PLGRKT: variants seen among roughly 807,000 people sequenced by gnomAD.
PLGRKT encodes the protein plasminogen receptor with a C-terminal lysine.
A neutral mutation model predicts 18.5 loss-of-function variants in PLGRKT; 22 were observed. That is an observed-to-expected ratio of 1.19 (90% confidence interval 0.85 to 1.70). The LOEUF is 1.70. Among genes scored for constraint, PLGRKT ranks in the 40% most tolerant of loss-of-function variants. The pLI is 0.00. For synonymous variants in PLGRKT, 72 were observed against 52.8 expected (o/e 1.36, Z -1.58); for missense variants, 235 against 174.4 (o/e 1.35, Z -1.96).
In PLGRKT at chr9:5,358,196, G is replaced by A; in HGVS notation, c.*43C>T. On this transcript the variant is annotated 3_prime_UTR_variant, in exon 6 of 6. Transcript: ENST00000223864. ...AAAAACTGTAAAAACCATGATTCAA[G>A]TCAATAATTCTGTGCTTTGAGATTT... The A allele has an allele frequency of 6.8e-7, 1 of 1,476,064 alleles. No individual in the cohort carries two copies. Among genetic ancestry groups the A allele is most frequent in the Non-Finnish European group, 9.3e-7 (1 of 1,074,424 alleles). 91.4% of individuals were successfully genotyped at this position (1,476,064 alleles called of 1,614,324 possible).
chr9:5,435,569 A>G (rs959801466), intron 2 of PLGRKT, among the ~76,000 whole-genome samples: 7 of 152,226 alleles, frequency 4.6e-5, no homozygotes, highest in African/African-American at 1.7e-4. Flanking sequence ...TACTTTTTAG[A>G]TGAATGCACA....
intron 3 of PLGRKT, among the ~76,000 whole-genome samples, chr9:5,413,129 G>C (rs979002881): frequency 2.0e-5 from 3 of 152,140 alleles, no homozygotes; most frequent in African/African-American, 7.2e-5. Context: ...CTTTCAAATT[G>C]ATAAACCCTT....
At chr9:5,427,217 T>C (rs1336279368) in intron 3 of PLGRKT, among the ~76,000 whole-genome samples, 1 of 152,198 alleles carries the variant, frequency 6.6e-6, no homozygotes, top group East Asian at 1.9e-4. Context: ...CTGTCCACAC[T>C]ACCTGCCTGT....
intron 3 of PLGRKT, among the ~76,000 whole-genome samples, chr9:5,426,072 C>T (rs903750487): frequency 3.3e-5 from 5 of 152,156 alleles, no homozygotes; most frequent in Non-Finnish European, 5.9e-5. Flanking sequence ...CCTAAAAAGA[C>T]AACATCTTCT....
At chr9:5,421,395 T>G (rs992011132) in intron 3 of PLGRKT, among the ~76,000 whole-genome samples, 1 of 152,212 alleles carries the variant, frequency 6.6e-6, no homozygotes, top group Non-Finnish European at 1.5e-5. Context: ...TCTCCCATCA[T>G]CATCCCTTAC....
intron 3 of PLGRKT, among the ~76,000 whole-genome samples, chr9:5,384,685 C>T (rs1817808475): frequency 6.6e-6 from 1 of 151,918 alleles, no homozygotes; most frequent in Admixed American, 6.6e-5. Context: ...TGAAAAAGAT[C>T]TAAGGTCATG....
chr9:5,377,318 T>C (rs1245280216), intron 3 of PLGRKT, among the ~76,000 whole-genome samples: 2 of 151,954 alleles, frequency 1.3e-5, no homozygotes, highest in African/African-American at 2.4e-5. Context: ...ATAATAGTAC[T>C]ATGGTAATCT....
At chr9:5,428,941 A>G (rs1260584190) in intron 3 of PLGRKT, among the ~76,000 whole-genome samples, 1 of 152,168 alleles carries the variant, frequency 6.6e-6, no homozygotes, top group Non-Finnish European at 1.5e-5. Context: ...GGCTCAAGCA[A>G]TCATCCTGCC....
intron 3 of PLGRKT, among the ~76,000 whole-genome samples, chr9:5,371,958 G>A (rs1164207385): frequency 1.4e-5 from 2 of 139,190 alleles, no homozygotes; most frequent in Non-Finnish European, 3.1e-5. Context: ...GAACCAAGAC[G>A]TGCTGCAAAA....
chr9:5,371,855 C>G (rs1381355536), intron 3 of PLGRKT, among the ~76,000 whole-genome samples: 4 of 151,722 alleles, frequency 2.6e-5, no homozygotes, highest in Non-Finnish European at 5.9e-5. Context: ...TCCACTATGT[C>G]ATTCCCAACA....
intron 3 of PLGRKT, among the ~76,000 whole-genome samples, chr9:5,384,640 T>G (rs565952870): frequency 1.8e-4 from 27 of 151,988 alleles, no homozygotes; most frequent in Admixed American, 1.7e-3. Context: ...TACACAGAGG[T>G]AAGATAAAGG....
chr9:5,362,088 T>G (rs1817279968), intron 3 of PLGRKT, among the ~76,000 whole-genome samples, 200 bp from the exon 4 acceptor site: 1 of 152,252 alleles, frequency 6.6e-6, no homozygotes, highest in Admixed American at 6.5e-5. Context: ...CTTCCTGGAA[T>G]AAATACAGAA....
chr9:5,399,590 G>A (rs1362590350), intron 3 of PLGRKT, among the ~76,000 whole-genome samples: 2 of 151,660 alleles, frequency 1.3e-5, no homozygotes, highest in Non-Finnish European at 2.9e-5. Context: ...AATTTTCAAA[G>A]GTTTTAAAAT....
rs1163035701 is a variant in PLGRKT, at chr9:5,376,931, G to T, written c.82-15043C>A. Among the ~76,000 whole-genome samples the T allele has an allele frequency of 1.4e-4, 22 of 152,172 alleles. No homozygotes were observed. The East Asian group carries it at 4.2e-3, about 29-fold the overall frequency. ...GGAAGTTTTCAATATATACCTTGTT[G>T]TTCTTTTAGAATTTTGATTCATGTA... On this transcript the variant is annotated intron_variant, in intron 3 of 5. Coordinates refer to ENST00000223864, the MANE Select transcript of PLGRKT (RefSeq NM_018465.4).
At chr9:5,376,626 T>A (rs946096931) in intron 3 of PLGRKT, among the ~76,000 whole-genome samples, 4 of 152,186 alleles carry the variant, frequency 2.6e-5, no homozygotes, top group African/African-American at 9.7e-5. Context: ...GTTTTTCTCC[T>A]TTTCCTCCTT....
chr9:5,372,519 CATT>C, intron 3 of PLGRKT, among the ~76,000 whole-genome samples: 1 of 152,160 alleles, frequency 6.6e-6, no homozygotes, highest in Non-Finnish European at 1.5e-5. Context: ...TTGCACTCTA[CATT>C]ATCAGGAATG....
intron 3 of PLGRKT, among the ~76,000 whole-genome samples, chr9:5,421,676 G>T (rs1001547139): frequency 1.3e-5 from 2 of 152,196 alleles, no homozygotes; most frequent in South Asian, 2.1e-4. Flanking sequence ...CTAAATTCTT[G>T]TATGTGGGAC....
At chr9:5,421,234 G>A (rs74629033) in intron 3 of PLGRKT, among the ~76,000 whole-genome samples, 8,362 of 152,224 alleles carry the variant, frequency 0.055, 280 homozygotes, top group South Asian at 0.14. Context: ...CAGTGTCTCT[G>A]CATTCACTTT....
chr9:5,438,352 C>G (rs937997196), upstream of PLGRKT, among the ~76,000 whole-genome samples: 6 of 152,316 alleles, frequency 3.9e-5, no homozygotes, highest in East Asian at 1.2e-3. Flanking sequence ...ATTGTTGGCA[C>G]TCTGTTCTTT....
Sources: gnomAD v4.1 joint callset for allele counts (sites outside exome capture counted in the v4.1 genomes callset) on GRCh38, gnomAD v4.1.1 for gene constraint, MANE v1.5 for transcripts, NCBI Gene and HGNC (gene_info 2026-07-23, HGNC 2026-07-21) for gene names.